NAV3: variants seen among roughly 807,000 people sequenced by gnomAD.
The protein encoded by NAV3 is neuron navigator 3, also known as pore membrane and/or filament interacting like protein 1.
In NAV3, 87 loss-of-function variants were observed where a neutral mutation model predicts 244.7. That is an observed-to-expected ratio of 0.36 (90% CI 0.30 to 0.42). NAV3 has a LOEUF of 0.42. Among genes scored for constraint, NAV3 ranks in the 20% least tolerant of loss-of-function variants. The probability of loss-of-function intolerance (pLI) is 1.00; values close to 1 mark genes in which losing one functional copy is unlikely to be tolerated. For synonymous variants in NAV3, 1,126 were observed against 1,042.2 expected, an observed-to-expected ratio of 1.08 and a Z score of -1.55; for missense variants, 2,663 against 2,893.3, an observed-to-expected ratio of 0.92 and a Z score of 1.83.
At chr12:77,743,150 G>A (rs189594456) in intron 2 of NAV3, among the ~76,000 whole-genome samples, 52 of 152,096 alleles carry the variant, frequency 3.4e-4, no homozygotes, top group South Asian at 1.9e-3. Flanking sequence ...GTATAGTACT[G>A]TAAATGTATT....
chr12:77,749,705 G>A (rs1426536863), intron 2 of NAV3, among the ~76,000 whole-genome samples: 1 of 152,052 alleles, frequency 6.6e-6, no homozygotes, highest in Non-Finnish European at 1.5e-5. Flanking sequence ...TAGCAATACA[G>A]TAAAGATCAA....
chr12:77,968,841 T>C, intron 5 of NAV3, 139 bp downstream of exon 5: 1 of 827,170 alleles, frequency 1.2e-6, no homozygotes, highest in East Asian at 2.7e-5. Context: ...ACTTGTGTAA[T>C]AGAAACTAAA....
intron 2 of NAV3, among the ~76,000 whole-genome samples, chr12:77,632,447 A>G (rs1871955486): frequency 6.6e-6 from 1 of 152,160 alleles, no homozygotes; most frequent in African/African-American, 2.4e-5. Context: ...GCAGGCAAAG[A>G]TAGATAGCTT....
At chr12:77,901,818 G>A (rs1169079399) in intron 1 of NAV3, among the ~76,000 whole-genome samples, 1 of 152,170 alleles carries the variant, frequency 6.6e-6, no homozygotes. Context: ...TCCTCAAAGA[G>A]GAGGCATCTC....
chr12:77,723,755 CTT>C (rs34518266), intron 2 of NAV3, among the ~76,000 whole-genome samples: 4 of 67,648 alleles, frequency 5.9e-5, no homozygotes, highest in Admixed American at 4.2e-4. Flanking sequence ...GCAATCTTGA[CTT>C]TTTTTTTTTT....
chr12:78,188,415 T>C, intron 32 of NAV3, 72 bp downstream of exon 32: 2 of 1,321,350 alleles, frequency 1.5e-6, no homozygotes. Context: ...ATAACTTCAA[T>C]AGCAGAGACA....
intron 2 of NAV3, among the ~76,000 whole-genome samples, chr12:77,735,830 G>T (rs935055603): frequency 1.3e-5 from 2 of 151,962 alleles, no homozygotes; most frequent in Non-Finnish European, 2.9e-5. Context: ...ACATAAATGC[G>T]CAACACACCA....
At chr12:78,104,733 G>A (rs992791808) in intron 12 of NAV3, among the ~76,000 whole-genome samples, 1 of 152,082 alleles carries the variant, frequency 6.6e-6, no homozygotes, top group Non-Finnish European at 1.5e-5. Flanking sequence ...TTTGACATAT[G>A]CATCAAGCCA....
At chr12:77,759,152 A>AT (rs1344664270) in intron 2 of NAV3, among the ~76,000 whole-genome samples, 33 of 152,138 alleles carry the variant, frequency 2.2e-4, no homozygotes, top group Admixed American at 1.7e-3. Context: ...TTGGTTATTG[A>AT]TTTTTTCTAT....
chr12:77,744,828 TAA>T lies in NAV3; in HGVS notation c.72+172565_72+172566del, dbSNP rs1425969886. Reference sequence around the variant, plus strand: ...TAAAAAGCTGAGGGAAGATGTGTCATAAAACTAATAACAATAATGTTTAGTAT... The same window carrying T: ...TAAAAAGCTGAGGGAAGATGTGTCATAACTAATAACAATAATGTTTAGTAT... On this transcript the variant is annotated intron_variant, in intron 2 of 8. Transcript: ENST00000550042. 7.9e-5 allele frequency among the ~76,000 whole-genome samples: 12 copies of T among 152,100 alleles called. No individual in the cohort carries two copies. In the East Asian group the frequency reaches 2.3e-3, roughly 29 times the overall value.
intron 1 of NAV3, among the ~76,000 whole-genome samples, chr12:77,882,814 T>A (rs971141334): frequency 6.6e-6 from 1 of 152,034 alleles, no homozygotes; most frequent in African/African-American, 2.4e-5. Flanking sequence ...ACTCAACCAA[T>A]GAACATATGA....
chr12:77,746,719 A>G (rs1026147996), intron 2 of NAV3, among the ~76,000 whole-genome samples: 1 of 152,274 alleles, frequency 6.6e-6, no homozygotes, highest in Admixed American at 6.5e-5. Flanking sequence ...ACAGAAAGCT[A>G]GTACATTAGG....
chr12:77,613,777 T>A (rs1460483994), intron 2 of NAV3, among the ~76,000 whole-genome samples: 3 of 152,198 alleles, frequency 2.0e-5, no homozygotes, highest in Non-Finnish European at 1.5e-5. Flanking sequence ...TGAAGTTTTG[T>A]AACTTCCCTT....
At chr12:77,908,652 C>T (rs1248090296) in intron 1 of NAV3, among the ~76,000 whole-genome samples, 2 of 151,952 alleles carry the variant, frequency 1.3e-5, no homozygotes, top group Non-Finnish European at 2.9e-5. Flanking sequence ...AAGCACATTG[C>T]TTTCTTTGAT....
intron 2 of NAV3, among the ~76,000 whole-genome samples, chr12:77,601,662 T>C (rs939634233): frequency 6.6e-6 from 1 of 151,934 alleles, no homozygotes; most frequent in Non-Finnish European, 1.5e-5. Flanking sequence ...ACTTGGTAGA[T>C]AGTAGGAAAC....
chr12:77,777,254 TATAAC>T (rs1870408474), intron 2 of NAV3, among the ~76,000 whole-genome samples: 1 of 152,138 alleles, frequency 6.6e-6, no homozygotes, highest in African/African-American at 2.4e-5. Context: ...ATAGAACAAT[TATAAC>T]AATATAATGA....
At chr12:78,128,076 G>A (rs917748074) in intron 17 of NAV3, among the ~76,000 whole-genome samples, 3 of 151,930 alleles carry the variant, frequency 2.0e-5, no homozygotes, top group Non-Finnish European at 4.4e-5. Context: ...GAATAATGGC[G>A]AAACTAGGTC....
intron 9 of NAV3, among the ~76,000 whole-genome samples, chr12:78,032,567 G>A (rs760444266): frequency 1.8e-4 from 28 of 152,084 alleles, no homozygotes; most frequent in Non-Finnish European, 3.1e-4. Flanking sequence ...AAACCTAGTT[G>A]TATTTACCCA....
At chr12:77,680,981 G>A (rs767474269) in intron 2 of NAV3, among the ~76,000 whole-genome samples, 1 of 152,128 alleles carries the variant, frequency 6.6e-6, no homozygotes. Context: ...ATTTTGGGGG[G>A]AGGGGCGGAA....
Sources: allele counts gnomAD v4.1 joint callset (sites outside exome capture counted in the v4.1 genomes callset), GRCh38; gene constraint gnomAD v4.1.1; transcripts MANE v1.5; gene names NCBI Gene and HGNC (gene_info 2026-07-23, HGNC 2026-07-21).